Variants in EGFR observed in about 807,000 individuals in gnomAD.
The protein encoded by EGFR is epidermal growth factor receptor.
In EGFR, 58 loss-of-function variants were observed where a neutral mutation model predicts 143.0. That is an observed-to-expected ratio of 0.41 (90% CI 0.33 to 0.50). EGFR has a LOEUF of 0.50. EGFR is among the 20% of genes least tolerant of loss of function. The pLI is 0.39. For missense variants in EGFR, 1,307 were observed against 1,579.0 expected (o/e 0.83, Z 2.92); for synonymous variants, 613 against 594.4 (o/e 1.03, Z -0.45).
chr7:55,164,897 C>T (rs890993662), intron 14 of EGFR, among the ~76,000 whole-genome samples: 5 of 152,180 alleles, frequency 3.3e-5, no homozygotes, highest in Admixed American at 2.6e-4. Context: ...AATTTGCCTC[C>T]CTCTGAGCTT....
Position 55,019,083 on chromosome 7 carries a change from C to T in EGFR, c.-195C>T. 3.3e-6 allele frequency: 1 copy of T among 303,556 alleles called. No individual in the cohort carries two copies. The highest frequency in any genetic ancestry group is 1.4e-4 in the South Asian group (1 of 7,350). 18.8% of individuals were successfully genotyped at this position (303,556 alleles called of 1,614,324 possible). ...CTCCGCCCCCCGCACGGTGTGAGCG[C>T]CCGACGCGGCCGAGGCGGCCGGAGT... On this transcript the variant is annotated 5_prime_UTR_variant, in exon 1 of 28. Transcript: ENST00000275493.
chr7:55,078,864 C>T (rs1175975253), intron 1 of EGFR, among the ~76,000 whole-genome samples: 2 of 152,214 alleles, frequency 1.3e-5, no homozygotes, highest in African/African-American at 4.8e-5. Flanking sequence ...AGGTTCTCCA[C>T]TCCCCATGCA....
rs902672760 is a variant in EGFR, at chr7:55,205,340, C to G, written c.3356C>G (p.Pro1119Arg). The change falls in exon 28 of 28, where the codon CCC (proline) becomes CGC (arginine). Residue 1119 changes from proline to arginine, a missense_variant. Pro to Arg is a moderately radical substitution (Grantham distance 103). Transcript: ENST00000275493. ...CACAATCAGCCTCTGAACCCCGCGC[C>G]CAGCAGAGACCCACACTACCAGGAC... ...VYHNQPLNPAPSRDPHYQDPH... is the reference protein window; with the variant it reads ...VYHNQPLNPARSRDPHYQDPH... 2 of 1,611,760 alleles carry G rather than the reference C, an allele frequency of 1.2e-6. No homozygotes were observed. The highest frequency in any genetic ancestry group is 1.7e-6 in the Non-Finnish European group (2 of 1,178,782).
At position 55,206,836 on chromosome 7, in the gene EGFR, C is replaced by G. The variant is rs989454659; in HGVS notation, c.*1219C>G. 1 of 233,156 alleles carries G rather than the reference C, an allele frequency of 4.3e-6. No individual in the cohort carries two copies. The allele number at this position is 233,156 out of a possible 1,614,324, so 14.4% of individuals were successfully genotyped here. On this transcript the variant is annotated 3_prime_UTR_variant, in exon 28 of 28. Coordinates refer to ENST00000275493, the MANE Select transcript of EGFR (RefSeq NM_005228.5). ...CTTGAGTCATCTATTCAAGCACTTACAGCTCTGGCCACAACAGGGCATTTT... is the reference window on the plus strand; with the variant it reads ...CTTGAGTCATCTATTCAAGCACTTAGAGCTCTGGCCACAACAGGGCATTTT...
chr7:55,110,005 A>G (rs969229294), intron 1 of EGFR: 1 of 929,536 alleles, frequency 1.1e-6, no homozygotes, highest in Non-Finnish European at 1.3e-6. Context: ...GTGAGAGATA[A>G]CAGCATAAAC....
intron 20 of EGFR, among the ~76,000 whole-genome samples, chr7:55,184,648 C>T (rs905892334): frequency 1.3e-5 from 2 of 152,148 alleles, no homozygotes; most frequent in African/African-American, 4.8e-5. Flanking sequence ...TTATTTAAAG[C>T]CATTCTTGTG....
chr7:55,201,184 C>T lies in EGFR; in HGVS notation c.2947-4C>T, dbSNP rs2128971441. 6.2e-7 allele frequency: 1 copy of T among 1,614,164 alleles called. No individual in the cohort carries two copies. On this transcript the variant is annotated splice_polypyrimidine_tract_variant and splice_region_variant and intron_variant, in intron 24 of 27. Coordinates refer to ENST00000275493, the MANE Select transcript of EGFR (RefSeq NM_005228.5). ...TTCTAATAGCCTCAAAATCTCTGCA[C>T]CAGGGGGATGAAAGAATGCATTTGC...
rs201040971 is a variant in EGFR, at chr7:55,155,909, C to A, written c.969C>A (p.Val323=). ...ADSYEMEEDG[V]RKCKKCEGPC... ...GCTATGAGATGGAGGAAGACGGCGTCCGCAAGTGTAAGAAGTGCGAAGGGC... is the reference window on the plus strand; with the variant it reads ...GCTATGAGATGGAGGAAGACGGCGTACGCAAGTGTAAGAAGTGCGAAGGGC... Residue 323 remains valine (V), a synonymous_variant, in exon 8 of 28, where the codon GTC becomes GTA. Coordinates refer to ENST00000275493, the MANE Select transcript of EGFR (RefSeq NM_005228.5). 3.6e-5 allele frequency: 58 copies of A among 1,614,112 alleles called. No homozygotes were observed. In the East Asian group the frequency reaches 1.3e-3, roughly 36 times the overall value.
intron 1 of EGFR, among the ~76,000 whole-genome samples, chr7:55,086,325 T>C (rs954339573): frequency 3.3e-5 from 5 of 151,770 alleles, no homozygotes; most frequent in African/African-American, 4.9e-5. Context: ...AGATAGTCTA[T>C]GGTAATGCAG....
chr7:55,124,564 A>T (rs1793410214), intron 1 of EGFR, among the ~76,000 whole-genome samples: 1 of 152,174 alleles, frequency 6.6e-6, no homozygotes, highest in Admixed American at 6.5e-5. Context: ...ATCATCTGCA[A>T]GTTTAGATGG....
chr7:55,190,593 G>T (rs551040979), intron 20 of EGFR, among the ~76,000 whole-genome samples: 3 of 152,260 alleles, frequency 2.0e-5, no homozygotes, highest in African/African-American at 4.8e-5. Context: ...ACTACAGTGG[G>T]ATCCCTCCAT....
At chr7:55,041,009 A>G (rs769444652) in intron 1 of EGFR, among the ~76,000 whole-genome samples, 20 of 152,314 alleles carry the variant, frequency 1.3e-4, no homozygotes, top group Admixed American at 5.2e-4. Flanking sequence ...TAAAAATATC[A>G]CTCTGGATCA....
chr7:55,049,001 C>T (rs886898964), intron 1 of EGFR, among the ~76,000 whole-genome samples: 1 of 152,150 alleles, frequency 6.6e-6, no homozygotes, highest in Non-Finnish European at 1.5e-5. Flanking sequence ...ACTGGAAGCA[C>T]AGATGCCCTA....
intron 7 of EGFR, among the ~76,000 whole-genome samples, chr7:55,155,302 C>A (rs1201304025): frequency 1.3e-5 from 2 of 152,104 alleles, no homozygotes; most frequent in Non-Finnish European, 2.9e-5. Flanking sequence ...ATTAGCCGGG[C>A]GTGGTGGCGC....
At position 55,169,099 on chromosome 7, in the gene EGFR, A is replaced by G. The variant is rs1176264454; in HGVS notation, c.1881-2076A>G. On this transcript the variant is annotated intron_variant, in intron 15 of 27. Coordinates refer to ENST00000275493, the MANE Select transcript of EGFR (RefSeq NM_005228.5). ...GGGGAGGAACCCTGGAGGAATAGCT[A>G]TTTCTTTTTTTTTTTTGTCGAGACG... Among the ~76,000 whole-genome samples, 7 of 145,712 alleles carry G rather than the reference A, an allele frequency of 4.8e-5. No individual in the cohort carries two copies. The South Asian group carries it at 1.6e-3, about 33-fold the overall frequency.
At chr7:55,194,813 C>T (rs921267190) in intron 22 of EGFR, among the ~76,000 whole-genome samples, 4 of 152,258 alleles carry the variant, frequency 2.6e-5, no homozygotes, top group Admixed American at 2.0e-4. Flanking sequence ...ATCATTGAGG[C>T]TGCCACGGCA....
chr7:55,042,347 C>T (rs577839967), intron 1 of EGFR, among the ~76,000 whole-genome samples: 1 of 152,300 alleles, frequency 6.6e-6, no homozygotes, highest in South Asian at 2.1e-4. Flanking sequence ...TACATCCTTG[C>T]TGTCTGATTG....
rs1358192217 is a variant in EGFR, at chr7:55,019,161, C to G, written c.-117C>G. ...GCCCAGACCGGACGACAGGCCACCT[C>G]GTCGGCGTCCGCCCGAGTCCCCGCC... is the stretch of plus-strand genomic sequence containing the variant. On this transcript the variant is annotated 5_prime_UTR_variant, in exon 1 of 28. Transcript: ENST00000275493. 1 of 818,816 alleles carries G rather than the reference C, an allele frequency of 1.2e-6. No individual in the cohort carries two copies. The highest frequency in any genetic ancestry group is 1.8e-6 in the Non-Finnish European group (1 of 555,206). 50.7% of individuals were successfully genotyped at this position (818,816 alleles called of 1,614,324 possible).
At chr7:55,030,496 A>G (rs1787187581) in intron 1 of EGFR, among the ~76,000 whole-genome samples, 1 of 152,224 alleles carries the variant, frequency 6.6e-6, no homozygotes, top group Non-Finnish European at 1.5e-5. Context: ...TACTTTAGAA[A>G]TGAGAAGTAT....
Sources: gnomAD v4.1 joint callset for allele counts (sites outside exome capture counted in the v4.1 genomes callset) on GRCh38, gnomAD v4.1.1 for gene constraint, MANE v1.5 for transcripts, NCBI Gene and HGNC (gene_info 2026-07-23, HGNC 2026-07-21) for gene names.